DNAH2: variants seen among roughly 807,000 people sequenced by gnomAD.
DNAH2 encodes the protein axonemal beta dynein heavy chain 2.
Under a neutral mutation model 523.5 loss-of-function variants are expected in DNAH2, and 323 were observed. That is an observed-to-expected ratio of 0.62 (90% CI 0.56 to 0.68). DNAH2 has a LOEUF of 0.68. DNAH2 is among the 30% of genes least tolerant of loss of function. DNAH2 has a pLI of 0.00. For missense variants in DNAH2, 4,907 were observed against 5,701.5 expected, an observed-to-expected ratio of 0.86 and a Z score of 4.49; for synonymous variants, 2,093 against 2,177.4, an observed-to-expected ratio of 0.96 and a Z score of 1.08.
intron 72 of DNAH2, among the ~76,000 whole-genome samples, chr17:7,819,952 A>G (rs2077807789): frequency 6.6e-6 from 1 of 152,122 alleles, no homozygotes; most frequent in South Asian, 2.1e-4. Flanking sequence ...CCAAGCCAGA[A>G]ATTGGGAGTT....
chr17:7,764,271 AGT>A lies in DNAH2; in HGVS notation c.3336+2_3336+3del. 6.3e-7 allele frequency: 1 copy of A among 1,599,664 alleles called. No individual in the cohort carries two copies. The highest frequency in any genetic ancestry group is 1.1e-5 in the South Asian group (1 of 87,538). On this transcript the variant is annotated frameshift_variant and splice_region_variant, in exon 20 of 86. Transcript: ENST00000572933. LOFTEE classifies it high-confidence loss of function. ...AAAGTACGAGGTGCCAGTCGAGGAC[AGT>A]GTGAGTTCCTTTGGTGTTTGGTTTA... is the stretch of plus-strand genomic sequence containing the variant. ...LEKYEVPVEDSVLEMLDSLNG... is the reference protein window; with the variant it reads ...LEKYEVPVEDXVLEMLDSLNG...
At chr17:7,788,325 C>T (rs1264307025) in intron 44 of DNAH2, 81 bp downstream of exon 44, 1 of 1,457,280 alleles carries the variant, frequency 6.9e-7, no homozygotes, top group African/African-American at 1.4e-5. Context: ...AACGGCGTGT[C>T]TGAGACAGGT....
chr17:7,733,194 G>C lies in DNAH2; in HGVS notation c.507G>C (p.Pro169=). The C allele has an allele frequency of 6.2e-7, 1 of 1,614,164 alleles. No individual in the cohort carries two copies. Among genetic ancestry groups the C allele is most frequent in the Non-Finnish European group, 8.5e-7 (1 of 1,180,030 alleles). Residue 169 remains proline (P), a synonymous_variant, in exon 5 of 86, where the codon CCG becomes CCC. Coordinates refer to ENST00000572933, the MANE Select transcript of DNAH2 (RefSeq NM_020877.5). ...QFGTVRGPYI[P]ALLRLLGGVF... Reference sequence around the variant, plus strand: ...GGACGGTGCGGGGCCCCTATATCCCGGCCCTGCTTCGGCTGCTCGGTGGAG... The same window carrying C: ...GGACGGTGCGGGGCCCCTATATCCCCGCCCTGCTTCGGCTGCTCGGTGGAG...
chr17:7,823,330 C>T (rs994890581), intron 73 of DNAH2, 112 bp from the exon 74 acceptor site: 32 of 1,054,040 alleles, frequency 3.0e-5, no homozygotes, highest in Admixed American at 5.7e-5. Context: ...GTTTTCCCAC[C>T]GAGAGAGAGA....
intron 18 of DNAH2, among the ~76,000 whole-genome samples, chr17:7,761,878 C>T (rs1039725965): frequency 4.9e-4 from 73 of 149,100 alleles, no homozygotes; most frequent in African/African-American, 1.7e-3. Context: ...ATTCCATAAA[C>T]ATTCATTGTA....
chr17:7,812,993 A>G (rs560032816), intron 63 of DNAH2, among the ~76,000 whole-genome samples: 18 of 151,534 alleles, frequency 1.2e-4, no homozygotes, highest in African/African-American at 4.3e-4. Context: ...AGGCAACAGC[A>G]GTAAGACTAC....
Position 7,816,584 on chromosome 17 carries a change from T to C in DNAH2, c.9743T>C (p.Leu3248Pro), listed in dbSNP as rs1181232211. 6.2e-7 allele frequency: 1 copy of C among 1,614,126 alleles called. No homozygotes were observed. Among genetic ancestry groups the C allele is most frequent in the Non-Finnish European group, 8.5e-7 (1 of 1,180,022 alleles). ...QEKLREVAEK[L>P]EMLKKQYDEK... ...AATCTCTCCCAGGTAGCTGAGAAAC[T>C]GGAGATGCTAAAGAAACAGTATGAT... Residue 3248 changes from leucine (L) to proline (P), a missense_variant, in exon 64 of 86, where the codon CTG becomes CCG. Leu to Pro is a moderately conservative substitution (Grantham distance 98, BLOSUM62 -3). Coordinates refer to ENST00000572933, the MANE Select transcript of DNAH2 (RefSeq NM_020877.5).
chr17:7,833,191 C>T lies in DNAH2; in HGVS notation c.13099C>T (p.Pro4367Ser). 6.2e-7 allele frequency: 1 copy of T among 1,608,174 alleles called. No homozygotes were observed. The highest frequency in any genetic ancestry group is 1.7e-5 in the Admixed American group (1 of 60,024). ...CCTCATGCCCACGATCCACTTCCGG[C>T]CTGCAGAGAGCCGCAAGAAGAGCGC... ...VCLMPTIHFR[P>S]AESRKKSAKG... The change falls in exon 85 of 86, where the codon CCT becomes TCT. Residue 4367 changes from proline (P) to serine (S), a missense_variant. Pro to Ser is a moderately conservative substitution (Grantham distance 74). Around this residue, in one of 3 missense-constraint regions of DNAH2, gnomAD observed 1,851 missense variants for 2,139.4 expected, o/e 0.87. Transcript: ENST00000572933.
chr17:7,789,977 C>G (rs2076851899), intron 44 of DNAH2, among the ~76,000 whole-genome samples: 1 of 152,122 alleles, frequency 6.6e-6, no homozygotes, highest in Admixed American at 6.5e-5. Flanking sequence ...AATTCACAAC[C>G]CATCCTCAAG....
chr17:7,735,848 G>A (rs1221661328), intron 7 of DNAH2, among the ~76,000 whole-genome samples: 1 of 152,054 alleles, frequency 6.6e-6, no homozygotes, highest in Non-Finnish European at 1.5e-5. Context: ...TGCCTCCTGG[G>A]TTCAAGCGAT....
chr17:7,815,551 T>C (rs1228181875), intron 63 of DNAH2, among the ~76,000 whole-genome samples: 4 of 151,690 alleles, frequency 2.6e-5, no homozygotes, highest in African/African-American at 4.9e-5. Flanking sequence ...CACACACATA[T>C]ACAGGATCAT....
At position 7,786,467 on chromosome 17, in the gene DNAH2, A is replaced by G. The variant is rs2151259592; in HGVS notation, c.6349-103A>G. 6.8e-7 allele frequency: 1 copy of G among 1,468,112 alleles called. No homozygotes were observed. The highest frequency in any genetic ancestry group is 1.2e-5 in the South Asian group (1 of 82,222). 90.9% of individuals were successfully genotyped at this position (1,468,112 alleles called of 1,614,324 possible). On this transcript the variant is annotated intron_variant, in intron 40 of 85. Coordinates refer to ENST00000572933, the MANE Select transcript of DNAH2 (RefSeq NM_020877.5). The surrounding 1 kb of genome is among the most constrained non-coding windows in gnomAD (Gnocchi z 7.5). ...TGTACCTGGGACCATGGTGGCCTGG[A>G]GCGATGAGAGAAGGGACAAATGCAC...
Position 7,821,461 on chromosome 17 carries a change from GCCCACAGCATC to G in DNAH2, c.11142+93_11142+103del. The G allele has an allele frequency of 1.4e-6, 2 of 1,466,676 alleles. No individual in the cohort carries two copies. Among genetic ancestry groups the G allele is most frequent in the Non-Finnish European group, 1.8e-6 (2 of 1,096,254 alleles). 90.9% of individuals were successfully genotyped at this position (1,466,676 alleles called of 1,614,324 possible). ...AAGGACTCCAGACCCAGAGGGTCAG[GCCCACAGCATC>G]AGTGAGTGAGCTGAGAAAATCCAGG... On this transcript the variant is annotated intron_variant, in intron 73 of 85. Transcript: ENST00000572933. This position sits in a 1 kb window ranked among gnomAD's most constrained non-coding sequence, Gnocchi z 5.0.
intron 39 of DNAH2, 79 bp downstream of exon 39, chr17:7,781,246 G>T: frequency 6.5e-7 from 1 of 1,534,422 alleles, no homozygotes; most frequent in South Asian, 1.1e-5. Flanking sequence ...AGGCCGAGGT[G>T]GGCAGACTGT....
At chr17:7,815,886 A>G (rs912799751) in intron 63 of DNAH2, among the ~76,000 whole-genome samples, 7 of 152,174 alleles carry the variant, frequency 4.6e-5, no homozygotes, top group Non-Finnish European at 8.8e-5. Flanking sequence ...GGGTTTCTCT[A>G]GTATACACAG....
At chr17:7,740,067 GGGGGGGGGGACAGGAGAGAGTGCA>G in intron 9 of DNAH2, 129 bp downstream of exon 9, 1 of 475,894 alleles carries the variant, frequency 2.1e-6, no homozygotes, top group East Asian at 6.6e-5. Context: ...GCGGTGGCCC[GGGGGGGGGGACAGGAGAGAGTGCA>G]GGGGAGGGGG....
intron 4 of DNAH2, among the ~76,000 whole-genome samples, chr17:7,730,787 C>A (rs541305829): frequency 2.0e-5 from 3 of 150,294 alleles, no homozygotes; most frequent in Non-Finnish European, 4.4e-5. Context: ...GGTGACAGAG[C>A]GAGAGTCTGT....
Position 7,804,418 on chromosome 17 carries a change from C to A in DNAH2, c.9135C>A (p.Tyr3045Ter). The change falls in exon 59 of 86, where the codon TAC (tyrosine) becomes TAA (stop). Residue 3045 changes from tyrosine to a stop codon, truncating the protein, a stop_gained. Coordinates refer to ENST00000572933, the MANE Select transcript of DNAH2 (RefSeq NM_020877.5). LOFTEE classifies it high-confidence loss of function. ...VAEFQKQCEE[Y>*]LVIIVQQKRE... ...AGTTCCAGAAGCAGTGTGAGGAGTA[C>A]CTGGTCATCATTGTGCAGCAGAAGC... The A allele has an allele frequency of 6.2e-7, 1 of 1,614,074 alleles. No individual in the cohort carries two copies. The highest frequency in any genetic ancestry group is 1.1e-5 in the South Asian group (1 of 91,072).
chr17:7,793,444 T>G (rs1304963206), intron 48 of DNAH2, among the ~76,000 whole-genome samples: 6 of 73,540 alleles, frequency 8.2e-5, no homozygotes, highest in African/African-American at 2.7e-4. Flanking sequence ...TTTCTTTCTT[T>G]CTTTTTCTTT....
Sources: gnomAD v4.1 joint callset for allele counts (sites outside exome capture counted in the v4.1 genomes callset) on GRCh38, gnomAD v4.1.1 for gene constraint, gnomAD v4.1.1 regional missense constraint, Gnocchi (gnomAD v3.1) non-coding constraint, MANE v1.5 for transcripts, NCBI Gene and HGNC (gene_info 2026-07-23, HGNC 2026-07-21) for gene names.